TDRD12: variants seen among roughly 807,000 people sequenced by gnomAD.
The protein encoded by TDRD12 is putative ATP-dependent RNA helicase TDRD12.
Under a neutral mutation model 133.5 loss-of-function variants are expected in TDRD12, and 158 were observed. The ratio of observed to expected loss-of-function variants is 1.18; its 90% CI spans 1.04 to 1.35. The LOEUF (loss-of-function observed/expected upper bound fraction) is 1.35. Among genes scored for constraint, TDRD12 ranks in the 40% most tolerant of loss-of-function variants. The pLI is 0.00. For synonymous variants in TDRD12, 460 were observed against 477.9 expected, an observed-to-expected ratio of 0.96 and a Z score of 0.49; for missense variants, 1,443 against 1,321.3, an observed-to-expected ratio of 1.09 and a Z score of -1.43.
chr19:32,773,354 G>A, intron 9 of TDRD12, 102 bp from the exon 10 acceptor site: 1 of 990,372 alleles, frequency 1.0e-6, no homozygotes. Flanking sequence ...TGTCTGGGAT[G>A]GTTGTTCATG....
intron 4 of TDRD12, 46 bp downstream of exon 4, chr19:32,742,946 C>T: frequency 6.5e-7 from 1 of 1,546,544 alleles, no homozygotes. Flanking sequence ...TAAAAGCCTT[C>T]TATCAAGTGC....
chr19:32,813,907 A>G, intron 25 of TDRD12, 131 bp downstream of exon 25: 1 of 626,800 alleles, frequency 1.6e-6, no homozygotes, highest in South Asian at 2.0e-5. Context: ...TGTTAGGGAG[A>G]GGTGTTTTTC....
At chr19:32,750,912 G>A (rs1436640162) in intron 6 of TDRD12, among the ~76,000 whole-genome samples, 6 of 152,228 alleles carry the variant, frequency 3.9e-5, no homozygotes, top group Admixed American at 6.5e-5. Context: ...GGTTTATGAC[G>A]TCAGTATGTC....
intron 4 of TDRD12, among the ~76,000 whole-genome samples, chr19:32,746,051 A>ACGGG (rs559265915): frequency 2.0e-4 from 29 of 146,816 alleles, no homozygotes; most frequent in Non-Finnish European, 3.8e-4. Flanking sequence ...TGTGTGTGAG[A>ACGGG]GAGAGAGTCT....
At chr19:32,820,927 A>G in intron 27 of TDRD12, 106 bp from the exon 28 acceptor site, 1 of 835,908 alleles carries the variant, frequency 1.2e-6, no homozygotes. Context: ...CGTGGGTCTG[A>G]CTCCACGGCC....
At position 32,778,040 on chromosome 19, in the gene TDRD12, G is replaced by A. The variant is rs751172478; in HGVS notation, c.1121+811G>A. Among the ~76,000 whole-genome samples the A allele has an allele frequency of 6.6e-4, 100 of 150,534 alleles. 1 individual carries two copies. Among genetic ancestry groups the A allele is most frequent in the Non-Finnish European group, 1.2e-3 (78 of 67,712 alleles). On this transcript the variant is annotated intron_variant, in intron 11 of 27. Transcript: ENST00000444215. Reference sequence around the variant, plus strand: ...CCATTTTTATACTTTTTACCATATTGGCCTCAACAGTTTTACATTCCAAGT... The same window carrying A: ...CCATTTTTATACTTTTTACCATATTAGCCTCAACAGTTTTACATTCCAAGT...
intron 1 of TDRD12, among the ~76,000 whole-genome samples, chr19:32,729,626 C>T (rs1968978073): frequency 6.6e-6 from 1 of 151,048 alleles, no homozygotes; most frequent in African/African-American, 2.4e-5. Flanking sequence ...ATAGAGTTTC[C>T]ATTTCTTAAG....
intron 1 of TDRD12, among the ~76,000 whole-genome samples, chr19:32,720,859 G>T (rs1430041275): frequency 7.2e-6 from 1 of 138,608 alleles, no homozygotes; most frequent in South Asian, 2.4e-4. Flanking sequence ...CCCCGGGCTG[G>T]GAGCTGGGGT....
At chr19:32,743,572 T>C in intron 4 of TDRD12, among the ~76,000 whole-genome samples, 1 of 151,974 alleles carries the variant, frequency 6.6e-6, no homozygotes, top group East Asian at 1.9e-4. Flanking sequence ...AAAGAGTCCA[T>C]TGCAATTTTC....
At chr19:32,797,099 G>A (rs1302498479) in intron 14 of TDRD12, among the ~76,000 whole-genome samples, 1 of 151,218 alleles carries the variant, frequency 6.6e-6, no homozygotes, top group African/African-American at 2.4e-5. Flanking sequence ...TCCTGTCTCA[G>A]CCTCCTGAGT....
chr19:32,820,719 GA>G lies in TDRD12; in HGVS notation c.3384-311del, dbSNP rs377368940. 4.6e-5 allele frequency among the ~76,000 whole-genome samples: 7 copies of G among 152,310 alleles called. No homozygotes were observed. In the East Asian group the frequency reaches 1.4e-3, roughly 29 times the overall value. ...CCAGAGACTGGGTCAGGGGAAGCAG[GA>G]AACTGGCTTGTCACTTTCTGTCCTT... is the stretch of plus-strand genomic sequence containing the variant. On this transcript the variant is annotated intron_variant, in intron 27 of 27. Transcript: ENST00000444215.
chr19:32,772,996 G>T (rs975576616), intron 9 of TDRD12, 146 bp downstream of exon 9: 8 of 455,230 alleles, frequency 1.8e-5, no homozygotes, highest in Non-Finnish European at 3.1e-5. Context: ...AGAAAATATA[G>T]TTTGCTTGTT....
intron 12 of TDRD12, 99 bp downstream of exon 12, chr19:32,790,690 G>C: frequency 6.4e-7 from 1 of 1,551,418 alleles, no homozygotes; most frequent in African/African-American, 1.4e-5. Context: ...GATTAGAAGA[G>C]AAACTCCTTA....
chr19:32,787,754 C>T (rs1970951213), intron 11 of TDRD12, among the ~76,000 whole-genome samples: 1 of 152,232 alleles, frequency 6.6e-6, no homozygotes, highest in South Asian at 2.1e-4. Context: ...GAGCCAGGCA[C>T]AGGAGGGAAT....
At chr19:32,802,967 C>A in exon 21 of TDRD12, 4 of 1,536,074 alleles carry the variant, frequency 2.6e-6, no homozygotes, top group Non-Finnish European at 3.5e-6. Context: ...ATCTGTCTTG[C>A]TGCTGACGGA....
exon 14 of TDRD12, chr19:32,794,710 T>C (rs547896777): frequency 1.4e-6 from 1 of 703,244 alleles, no homozygotes; most frequent in African/African-American, 1.7e-5. Flanking sequence ...TGTGATGTGG[T>C]TGTCATTTCT....
chr19:32,794,325 G>A (rs572038309), intron 13 of TDRD12, among the ~76,000 whole-genome samples: 13 of 151,722 alleles, frequency 8.6e-5, no homozygotes, highest in East Asian at 1.9e-4. Flanking sequence ...GGCTGGTCTC[G>A]GACTCCTGAC....
intron 12 of TDRD12, 112 bp downstream of exon 12, chr19:32,790,703 T>C: frequency 5.8e-6 from 9 of 1,551,070 alleles, no homozygotes; most frequent in Non-Finnish European, 7.8e-6. Flanking sequence ...ACTCCTTAGA[T>C]GGGGGACTTA....
intron 10 of TDRD12, among the ~76,000 whole-genome samples, chr19:32,773,873 G>A (rs906993044): frequency 3.9e-5 from 6 of 152,200 alleles, no homozygotes; most frequent in Non-Finnish European, 7.3e-5. Context: ...CTGGTTGGCA[G>A]CAAAGTTGAC....
Sources: gnomAD v4.1 joint callset for allele counts (sites outside exome capture counted in the v4.1 genomes callset) on GRCh38, gnomAD v4.1.1 for gene constraint, MANE v1.5 for transcripts, NCBI Gene and HGNC (gene_info 2026-07-23, HGNC 2026-07-21) for gene names.